Variants in ULK4 observed in about 807,000 individuals in gnomAD.
ULK4 encodes the protein unc-51 like kinase 4, also known as inactive serine/threonine-protein kinase ULK4.
A neutral mutation model predicts 160.6 loss-of-function variants in ULK4; 133 were observed. The ratio of observed to expected loss-of-function variants is 0.83; its 90% CI spans 0.72 to 0.96. The LOEUF is 0.96. Ranked by LOEUF, ULK4 falls within the 40% of genes least tolerant of loss-of-function variation. ULK4 has a pLI of 0.00. For missense variants in ULK4, 1,580 were observed against 1,499.5 expected (o/e 1.05, Z -0.89); for synonymous variants, 534 against 539.8 (o/e 0.99, Z 0.15).
chr3:41,664,805 A>C lies in ULK4; in HGVS notation c.2979-1106T>G, dbSNP rs570527572. On this transcript the variant is annotated intron_variant, in intron 29 of 36. Coordinates refer to ENST00000301831, the MANE Select transcript of ULK4 (RefSeq NM_017886.4). ...TAACTCTTTTCTGCACAGCATTCTT[A>C]TTATTAATACTTGAAAATCCTAAAT... Among the ~76,000 whole-genome samples, 132 of 152,278 alleles carry C rather than the reference A, an allele frequency of 8.7e-4. 3 individuals carry two copies. The highest frequency in any genetic ancestry group is 3.0e-3 in the African/African-American group (123 of 41,556).
chr3:41,554,224 C>T lies in ULK4; in HGVS notation c.3226+11801G>A, dbSNP rs542387372. On this transcript the variant is annotated intron_variant, in intron 32 of 36. Coordinates refer to ENST00000301831, the MANE Select transcript of ULK4 (RefSeq NM_017886.4). ...CAGTATATCAAAAGGATACCTGCAC[C>T]TCTTTGTTTACTGCAGCACTATTCA... 2.6e-5 allele frequency among the ~76,000 whole-genome samples: 4 copies of T among 152,230 alleles called. No homozygotes were observed. In the South Asian group the frequency reaches 8.3e-4, roughly 32 times the overall value.
chr3:41,911,531 T>A lies in ULK4; in HGVS notation c.1015+10A>T, dbSNP rs760686701. 2.5e-6 allele frequency: 4 copies of A among 1,610,872 alleles called. No individual in the cohort carries two copies. The African/African-American group carries it at 5.3e-5, about 22-fold the overall frequency. ...TCTAAGTAGCATGAATGTGCTCAAA[T>A]AAAACTTACCTAGTCTGAAAGAGTG... On this transcript the variant is annotated intron_variant, in intron 10 of 36. Coordinates refer to ENST00000301831, the MANE Select transcript of ULK4 (RefSeq NM_017886.4).
chr3:41,714,895 G>A (rs1004693059), intron 25 of ULK4, among the ~76,000 whole-genome samples: 5 of 149,468 alleles, frequency 3.3e-5, no homozygotes, highest in African/African-American at 5.0e-5. Context: ...AATATAAGCC[G>A]AAGTAAATAA....
At chr3:41,740,320 G>T (rs946475626) in intron 22 of ULK4, among the ~76,000 whole-genome samples, 2 of 151,422 alleles carry the variant, frequency 1.3e-5, no homozygotes, top group African/African-American at 4.9e-5. Flanking sequence ...ACAATACTAT[G>T]GGGAAGGAAA....
intron 17 of ULK4, among the ~76,000 whole-genome samples, chr3:41,870,349 T>A (rs2125692388): frequency 6.6e-6 from 1 of 152,348 alleles, no homozygotes; most frequent in South Asian, 2.1e-4. Flanking sequence ...TTAGATAATT[T>A]TATGTAATAT....
chr3:41,630,698 C>T (rs1157949287), intron 30 of ULK4, among the ~76,000 whole-genome samples: 2 of 152,192 alleles, frequency 1.3e-5, no homozygotes, highest in African/African-American at 4.8e-5. Flanking sequence ...ATCTCCAAGG[C>T]CATCTTGCAG....
In ULK4 at chr3:41,357,029, C is replaced by A. The variant is rs115558717; in HGVS notation, c.3678+41050G>T. ...TGGGGTGTGGAATCTCGACTCTAAG[C>A]CCTTTCCACTTTTCAGGCATCTTCT... On this transcript the variant is annotated intron_variant, in intron 35 of 36. Transcript: ENST00000301831. Among the ~76,000 whole-genome samples the A allele has an allele frequency of 4.1e-3, 627 of 152,234 alleles. 2 individuals are homozygous for A. Among genetic ancestry groups the A allele is most frequent in the African/African-American group, 0.014 (598 of 41,528 alleles).
At chr3:41,476,226 T>G (rs1467597205) in intron 32 of ULK4, among the ~76,000 whole-genome samples, 1 of 152,156 alleles carries the variant, frequency 6.6e-6, no homozygotes, top group African/African-American at 2.4e-5. Flanking sequence ...AAAATTAGAC[T>G]ACTAATGTTG....
At chr3:41,515,857 T>G (rs914748138) in intron 32 of ULK4, among the ~76,000 whole-genome samples, 25 of 152,172 alleles carry the variant, frequency 1.6e-4, no homozygotes, top group Admixed American at 1.4e-3. Context: ...TAATTCCTTT[T>G]ATATGACATT....
At chr3:41,842,182 A>C (rs1310505693) in intron 17 of ULK4, among the ~76,000 whole-genome samples, 1 of 140,842 alleles carries the variant, frequency 7.1e-6, no homozygotes, top group Admixed American at 6.9e-5. Flanking sequence ...AACATGTAAA[A>C]AAAAAAATAA....
intron 17 of ULK4, among the ~76,000 whole-genome samples, chr3:41,841,284 T>C: frequency 7.7e-6 from 1 of 129,036 alleles, no homozygotes; most frequent in East Asian, 2.5e-4. Flanking sequence ...CCGCCCCGTC[T>C]GGGAAGTGGG....
intron 29 of ULK4, among the ~76,000 whole-genome samples, chr3:41,675,154 C>A (rs1031356829): frequency 2.6e-5 from 4 of 151,978 alleles, no homozygotes; most frequent in South Asian, 2.1e-4. Context: ...GCAGGAGAAT[C>A]GCCTGAACCC....
chr3:41,456,790 T>G (rs576926802), intron 33 of ULK4, among the ~76,000 whole-genome samples: 1 of 152,224 alleles, frequency 6.6e-6, no homozygotes, highest in Admixed American at 6.5e-5. Flanking sequence ...CAGGCTGCCC[T>G]GCCTTAAGTC....
chr3:41,411,695 A>C (rs1575527471), intron 34 of ULK4, among the ~76,000 whole-genome samples: 1 of 152,152 alleles, frequency 6.6e-6, no homozygotes, highest in African/African-American at 2.4e-5. Context: ...GGCCTCCCCA[A>C]GTGCTGTGAT....
At chr3:41,305,275 T>C (rs2079884647) in intron 35 of ULK4, among the ~76,000 whole-genome samples, 3 of 144,982 alleles carry the variant, frequency 2.1e-5, no homozygotes, top group Admixed American at 2.0e-4. Context: ...CTCCCTCTCA[T>C]GCTGAGCCGA....
intron 19 of ULK4, among the ~76,000 whole-genome samples, chr3:41,816,459 C>T (rs916763015): frequency 3.9e-5 from 6 of 152,050 alleles, no homozygotes; most frequent in Non-Finnish European, 5.9e-5. Context: ...GCCCAAAACA[C>T]GAGGTAAATA....
chr3:41,856,521 ATATATATATATGTATG>A (rs1273356486), intron 17 of ULK4, among the ~76,000 whole-genome samples: 2 of 129,990 alleles, frequency 1.5e-5, no homozygotes, highest in African/African-American at 2.9e-5. Flanking sequence ...AAATATATAT[ATATATATATATGTATG>A]TATATATATA....
chr3:41,278,915 C>T (rs955977932), intron 35 of ULK4, among the ~76,000 whole-genome samples: 8 of 151,926 alleles, frequency 5.3e-5, no homozygotes, highest in East Asian at 1.9e-4. Flanking sequence ...AGCCCCATGC[C>T]GGCAGCGGAA....
In ULK4 at chr3:41,731,712, A is replaced by C. The variant is rs559810421; in HGVS notation, c.2322-13851T>G. ...AAAAAGAACAAAAGCTGGTGGCATC[A>C]GACTACCAGACTTAAAAATGCACTA... On this transcript the variant is annotated intron_variant, in intron 22 of 36. Transcript: ENST00000301831. 1.8e-3 allele frequency among the ~76,000 whole-genome samples: 271 copies of C among 151,934 alleles called. 3 individuals are homozygous for C. The highest frequency in any genetic ancestry group is 1.7e-3 in the South Asian group (8 of 4,832).
Sources: allele counts gnomAD v4.1 joint callset (sites outside exome capture counted in the v4.1 genomes callset), GRCh38; gene constraint gnomAD v4.1.1; transcripts MANE v1.5; gene names NCBI Gene and HGNC (gene_info 2026-07-23, HGNC 2026-07-21).